Variants in BUB3 observed in about 807,000 individuals in gnomAD.
BUB3 encodes the protein mitotic checkpoint protein BUB3.
In BUB3, 22 loss-of-function variants were observed where a neutral mutation model predicts 39.9. The observed-to-expected ratio is 0.55, with a 90% CI of 0.39 to 0.79. The LOEUF is 0.79. Among genes scored for constraint, BUB3 ranks in the 30% least tolerant of loss-of-function variants. The pLI is 0.00. For synonymous variants in BUB3, 168 were observed against 155.1 expected (o/e 1.08, Z -0.62); for missense variants, 303 against 415.4 (o/e 0.73, Z 2.35).
At chr10:123,158,578 A>G (rs373837897) in intron 4 of BUB3, among the ~76,000 whole-genome samples, 8 of 152,146 alleles carry the variant, frequency 5.3e-5, no homozygotes, top group Admixed American at 5.2e-4. Context: ...ACTTGAGTCT[A>G]TTTCCTCAGC....
Position 123,163,983 on chromosome 10 carries a change from ATT to A in BUB3, c.*158_*159del. 6 of 1,150,618 alleles carry A rather than the reference ATT, an allele frequency of 5.2e-6. No homozygotes were observed. Among genetic ancestry groups the A allele is most frequent in the South Asian group, 2.6e-5 (1 of 37,962 alleles). 71.3% of individuals were successfully genotyped at this position (1,150,618 alleles called of 1,614,324 possible). On this transcript the variant is annotated 3_prime_UTR_variant, in exon 8 of 8. Coordinates refer to ENST00000368865, the MANE Select transcript of BUB3 (RefSeq NM_004725.4). ...AAAATAATGGAAAAGAGGTTTTTGA[ATT>A]TTTTTTTTTAAATAAACACCTTCTT...
chr10:123,154,761 G>C lies in BUB3; in HGVS notation c.1-157G>C, dbSNP rs983057329. On this transcript the variant is annotated intron_variant, in intron 1 of 7. Coordinates refer to ENST00000368865, the MANE Select transcript of BUB3 (RefSeq NM_004725.4). ...GGGGCCGGATGATGGGGCGAGTCCG[G>C]ACCTTGGCGGGCGAGTGCTCGGCGC... 15 of 776,188 alleles carry C rather than the reference G, an allele frequency of 1.9e-5. No homozygotes were observed. In the African/African-American group the frequency reaches 2.7e-4, roughly 14 times the overall value. The allele number at this position is 776,188 out of a possible 1,614,324, so 48.1% of individuals were successfully genotyped here.
intron 6 of BUB3, 34 bp from the exon 7 acceptor site, chr10:123,162,578 A>G (rs762320809): frequency 1.3e-6 from 2 of 1,590,850 alleles, no homozygotes; most frequent in South Asian, 2.3e-5. Flanking sequence ...TCTGGTGTTA[A>G]GAACCATTTT....
At chr10:123,159,680 A>G (rs1437666560) in intron 4 of BUB3, among the ~76,000 whole-genome samples, 2 of 152,344 alleles carry the variant, frequency 1.3e-5, no homozygotes, top group South Asian at 2.1e-4. Context: ...TTATAAGGGG[A>G]AAAATAGGGG....
rs1275563164 is a variant in BUB3 at position 123,165,841 on chromosome 10, A to G, written c.*2006A>G. 1.3e-5 allele frequency: 2 copies of G among 152,146 alleles called. No homozygotes were observed. Among genetic ancestry groups the G allele is most frequent in the African/African-American group, 4.8e-5 (2 of 41,424 alleles). The allele number at this position is 152,146 out of a possible 1,614,324, so 9.4% of individuals were successfully genotyped here. Reference sequence around the variant, plus strand: ...AAGGTAAATAATGTAATAGCCAGGGACTGATGGTATTAGTTCTTTAGTGTG... The same window carrying G: ...AAGGTAAATAATGTAATAGCCAGGGGCTGATGGTATTAGTTCTTTAGTGTG... On this transcript the variant is annotated 3_prime_UTR_variant, in exon 8 of 8. Coordinates refer to ENST00000368865, the MANE Select transcript of BUB3 (RefSeq NM_004725.4).
At position 123,155,084 on chromosome 10, in the gene BUB3, C is replaced by G. The variant is rs768512648; in HGVS notation, c.167C>G (p.Thr56Ser). The change falls in exon 2 of 8, where the codon ACC becomes AGC. Residue 56 changes from threonine (T) to serine (S), a missense_variant. Physicochemically the swap from Thr to Ser is moderately conservative, Grantham distance 58 (BLOSUM62 1). This residue lies in a region of BUB3 where 121 missense variants were observed against 122.3 expected (regional missense o/e 0.99). Transcript: ENST00000368865. ...TCCATGCGGCTCAAGTACCAGCACACCGGCGCCGTCCTGGACTGCGCCTTC... is the reference window on the plus strand; with the variant it reads ...TCCATGCGGCTCAAGTACCAGCACAGCGGCGCCGTCCTGGACTGCGCCTTC... ...ANSMRLKYQHTGAVLDCAFYD... is the reference protein window; with the variant it reads ...ANSMRLKYQHSGAVLDCAFYD... 1.2e-6 allele frequency: 2 copies of G among 1,614,070 alleles called. No homozygotes were observed. The highest frequency in any genetic ancestry group is 2.2e-5 in the South Asian group (2 of 91,078).
chr10:123,169,479 T>C lies in BUB3; in HGVS notation c.*5644T>C, dbSNP rs1212847103. On this transcript the variant is annotated 3_prime_UTR_variant, in exon 8 of 8. Transcript: ENST00000368865. ...TGGCCACATTTTGTTTTCAAGACCT[T>C]GGCCAACCTTTGGTCTTCACAGCCA... 1 of 152,238 alleles carries C rather than the reference T, an allele frequency of 6.6e-6. No homozygotes were observed. Among genetic ancestry groups the C allele is most frequent in the Non-Finnish European group, 1.5e-5 (1 of 68,040 alleles). 9.4% of individuals were successfully genotyped at this position (152,238 alleles called of 1,614,324 possible).
chr10:123,155,112 CG>C lies in BUB3; in HGVS notation c.195+1del. The C allele has an allele frequency of 6.2e-7, 1 of 1,613,284 alleles. No individual in the cohort carries two copies. Among genetic ancestry groups the C allele is most frequent in the Non-Finnish European group, 8.5e-7 (1 of 1,179,696 alleles). ...GCGCCGTCCTGGACTGCGCCTTCTA[CG>C]TAGGTGCCCTCCCGCCCTGCTCCTG... On this transcript the variant is annotated splice_donor_variant, in intron 2 of 7. Coordinates refer to ENST00000368865, the MANE Select transcript of BUB3 (RefSeq NM_004725.4). LOFTEE classifies it high-confidence loss of function.
Position 123,155,648 on chromosome 10 carries a change from T to C in BUB3, c.196-10T>C. The C allele has an allele frequency of 6.2e-7, 1 of 1,613,604 alleles. No individual in the cohort carries two copies. Among genetic ancestry groups the C allele is most frequent in the Non-Finnish European group, 8.5e-7 (1 of 1,179,502 alleles). On this transcript the variant is annotated splice_polypyrimidine_tract_variant and intron_variant, in intron 2 of 7. Coordinates refer to ENST00000368865, the MANE Select transcript of BUB3 (RefSeq NM_004725.4). ...TTCTAGTTTTTAAACGGTTCAAAAC[T>C]ATTTTATAGGATCCAACGCATGCCT...
intron 3 of BUB3, among the ~76,000 whole-genome samples, chr10:123,156,753 G>GTTTTTTTGTTTTTTTTTTTTTTTTT (rs1844352983): frequency 7.4e-6 from 1 of 135,080 alleles, no homozygotes; most frequent in African/African-American, 2.8e-5. Context: ...TTTCTTTCTT[G>GTTTTTTTGTTTTTTTTTTTTTTTTT]TTTTTTTTTT....
intron 2 of BUB3, 36 bp from the exon 3 acceptor site, chr10:123,155,622 G>A (rs1844339758): frequency 6.3e-7 from 1 of 1,582,468 alleles, no homozygotes. Context: ...CCTTTCAAAA[G>A]TTCTAGTTTT....
rs761169144 is a variant in BUB3 at position 123,167,066 on chromosome 10, T to G, written c.*3231T>G. ...TGAGAGCTTAGATCACTACAACGAA[T>G]CCTTGTAAATTTGTTTAACTCAGTT... On this transcript the variant is annotated 3_prime_UTR_variant, in exon 8 of 8. Transcript: ENST00000368865. The G allele has an allele frequency of 8.5e-5, 13 of 152,222 alleles. No homozygotes were observed. Among genetic ancestry groups the G allele is most frequent in the Non-Finnish European group, 1.5e-4 (10 of 68,050 alleles). The allele number at this position is 152,222 out of a possible 1,614,324, so 9.4% of individuals were successfully genotyped here.
In BUB3 at chr10:123,167,055, A is replaced by G. The variant is rs1229595993; in HGVS notation, c.*3220A>G. The G allele has an allele frequency of 6.6e-6, 1 of 152,218 alleles. No homozygotes were observed. The highest frequency in any genetic ancestry group is 1.9e-4 in the East Asian group (1 of 5,198). 9.4% of individuals were successfully genotyped at this position (152,218 alleles called of 1,614,324 possible). ...CATTAGCCTACTGAGAGCTTAGATC[A>G]CTACAACGAATCCTTGTAAATTTGT... On this transcript the variant is annotated 3_prime_UTR_variant, in exon 8 of 8. Coordinates refer to ENST00000368865, the MANE Select transcript of BUB3 (RefSeq NM_004725.4).
Position 123,155,004 on chromosome 10 carries a change from C to T in BUB3, c.87C>T (p.Phe29=), listed in dbSNP as rs1292128920. The T allele has an allele frequency of 2.5e-6, 4 of 1,614,216 alleles. No individual in the cohort carries two copies. Among genetic ancestry groups the T allele is most frequent in the Non-Finnish European group, 1.7e-6 (2 of 1,180,046 alleles). The change falls in exon 2 of 8, where the codon TTC becomes TTT. Residue 29 remains phenylalanine, a synonymous_variant. Transcript: ENST00000368865. The part of the protein sequence containing the change: ...SVKFSPNTSQ[F]LLVSSWDTSV... Reference sequence around the variant, plus strand: ...AGTTCAGCCCCAACACCTCCCAGTTCCTGCTTGTCTCCTCCTGGGACACGT... The same window carrying T: ...AGTTCAGCCCCAACACCTCCCAGTTTCTGCTTGTCTCCTCCTGGGACACGT...
chr10:123,154,622 G>A (rs959085811), intron 1 of BUB3, 137 bp downstream of exon 1: 26 of 335,100 alleles, frequency 7.8e-5, no homozygotes, highest in Non-Finnish European at 1.1e-4. Context: ...GAGTGCCCGG[G>A]GCGACGGGAC....
rs1844460003 is a variant in BUB3, at chr10:123,164,278, G to A, written c.*443G>A. On this transcript the variant is annotated 3_prime_UTR_variant, in exon 8 of 8. Transcript: ENST00000368865. ...CTAAAGCTGCTTCAGACTGCTTCAT[G>A]AGGAGGTTAATCTACAATTAAACAA... 5 of 986,988 alleles carry A rather than the reference G, an allele frequency of 5.1e-6. 1 individual carries two copies. In the South Asian group the frequency reaches 2.3e-4, roughly 46 times the overall value. The allele number at this position is 986,988 out of a possible 1,614,324, so 61.1% of individuals were successfully genotyped here.
At chr10:123,162,968 T>G (rs1314261339) in intron 7 of BUB3, 140 bp downstream of exon 7, 10 of 807,032 alleles carry the variant, frequency 1.2e-5, no homozygotes, top group Non-Finnish European at 1.8e-5. Flanking sequence ...TGTTATCATG[T>G]TCTCCCAAGC....
In BUB3 at chr10:123,166,759, TATAA is replaced by T. The variant is rs1441085098; in HGVS notation, c.*2929_*2932del. ...AGATGGGACTAACCTTTGTTGGGAA[TATAA>T]ATAAGTGGATGGGATGGGAAGTGAC... On this transcript the variant is annotated 3_prime_UTR_variant, in exon 8 of 8. Transcript: ENST00000368865. 4 of 152,186 alleles carry T rather than the reference TATAA, an allele frequency of 2.6e-5. No individual in the cohort carries two copies. The highest frequency in any genetic ancestry group is 5.9e-5 in the Non-Finnish European group (4 of 68,046). The allele number at this position is 152,186 out of a possible 1,614,324, so 9.4% of individuals were successfully genotyped here.
In BUB3 at chr10:123,165,881, A is replaced by G. The variant is rs1474760137; in HGVS notation, c.*2046A>G. ...TCTTTAGTGTGATTATGTGCTTCTA[A>G]AAGTCCCTAACCACTTGGTTGAGGA... On this transcript the variant is annotated 3_prime_UTR_variant, in exon 8 of 8. Coordinates refer to ENST00000368865, the MANE Select transcript of BUB3 (RefSeq NM_004725.4). 6.6e-6 allele frequency: 1 copy of G among 152,176 alleles called. No homozygotes were observed. Among genetic ancestry groups the G allele is most frequent in the Non-Finnish European group, 1.5e-5 (1 of 68,038 alleles). The allele number at this position is 152,176 out of a possible 1,614,324, so 9.4% of individuals were successfully genotyped here.
Sources: allele counts gnomAD v4.1 joint callset (sites outside exome capture counted in the v4.1 genomes callset), GRCh38; gene constraint gnomAD v4.1.1; regional missense constraint gnomAD v4.1.1; transcripts MANE v1.5; gene names NCBI Gene and HGNC (gene_info 2026-07-23, HGNC 2026-07-21).